UBE2G2: variants seen among roughly 807,000 people sequenced by gnomAD.
UBE2G2 encodes ubiquitin conjugating enzyme E2 G2, also known as ubiquitin-conjugating enzyme E2 G2.
In UBE2G2, 10 loss-of-function variants were observed where a neutral mutation model predicts 23.0. That is an observed-to-expected ratio of 0.43 (90% CI 0.27 to 0.74). The LOEUF (loss-of-function observed/expected upper bound fraction) is 0.74, where lower values mean the gene tolerates loss of function less well. UBE2G2 is among the 30% of genes least tolerant of loss of function. UBE2G2 has a pLI of 0.19. For synonymous variants in UBE2G2, 86 were observed against 81.3 expected (o/e 1.06, Z -0.31); for missense variants, 150 against 218.3 (o/e 0.69, Z 1.97).
At position 44,769,979 on chromosome 21, in the gene UBE2G2, G is replaced by A. The variant is rs1021068624; in HGVS notation, c.*1398C>T. On this transcript the variant is annotated 3_prime_UTR_variant, in exon 6 of 6. Transcript: ENST00000345496. ...GTTATTGCTTACACTGTGGCCTCCT[G>A]GCCTGTGCTGCTCAGCTGGCCCTGT... 16 of 152,202 alleles carry A rather than the reference G, an allele frequency of 1.1e-4. No individual in the cohort carries two copies. The highest frequency in any genetic ancestry group is 2.2e-4 in the Non-Finnish European group (15 of 68,036). The allele number at this position is 152,202 out of a possible 1,614,324, so 9.4% of individuals were successfully genotyped here.
intron 1 of UBE2G2, among the ~76,000 whole-genome samples, chr21:44,796,516 C>A (rs1192493114): frequency 6.6e-6 from 1 of 151,766 alleles, no homozygotes; most frequent in African/African-American, 2.4e-5. Context: ...AAGATACACA[C>A]ACAAAAAAAA....
intron 4 of UBE2G2, chr21:44,774,697 G>A (rs1555960354): frequency 4.4e-6 from 2 of 456,252 alleles, no homozygotes; most frequent in African/African-American, 4.0e-5. Flanking sequence ...CAAGGAGAGT[G>A]GAAGAAACTA....
At chr21:44,774,214 A>G (rs1449396756) in intron 4 of UBE2G2, 1 of 153,522 alleles carries the variant, frequency 6.5e-6, no homozygotes, top group Non-Finnish European at 1.4e-5. Context: ...TCTAATAATA[A>G]GTAAATTATC....
In UBE2G2 at chr21:44,771,641, C is replaced by A; in HGVS notation, c.386-152G>T. ...TGAGAACTGCATGGGGTCGGCCCCA[C>A]CTCTAGAGTGCTGGCCACGCAGGTC... On this transcript the variant is annotated intron_variant, in intron 5 of 5. Transcript: ENST00000345496. This position sits in a 1 kb window ranked among gnomAD's most constrained non-coding sequence, Gnocchi z 4.6. 2.6e-6 allele frequency: 2 copies of A among 767,928 alleles called. No homozygotes were observed. Among genetic ancestry groups the A allele is most frequent in the East Asian group, 5.2e-5 (2 of 38,316 alleles). 47.6% of individuals were successfully genotyped at this position (767,928 alleles called of 1,614,324 possible). A position where few individuals can be genotyped will look rare whatever the true frequency, so the allele number is the denominator to read the frequency against.
intron 1 of UBE2G2, chr21:44,801,219 A>T: frequency 1.6e-6 from 1 of 632,198 alleles, no homozygotes; most frequent in Non-Finnish European, 2.0e-6. Context: ...ACTACCTAGG[A>T]GGAGTGACAG....
chr21:44,799,438 A>G (rs1261756168), intron 1 of UBE2G2, among the ~76,000 whole-genome samples: 1 of 152,316 alleles, frequency 6.6e-6, no homozygotes, highest in Non-Finnish European at 1.5e-5. Flanking sequence ...TCTTGATCTT[A>G]GCTAGATCTT....
At position 44,781,654 on chromosome 21, in the gene UBE2G2, C is replaced by T. The variant is rs550687101; in HGVS notation, c.126-4237G>A. Among the ~76,000 whole-genome samples, 4 of 152,292 alleles carry T rather than the reference C, an allele frequency of 2.6e-5. No homozygotes were observed. In the South Asian group the frequency reaches 8.3e-4, roughly 32 times the overall value. On this transcript the variant is annotated intron_variant, in intron 3 of 5. Transcript: ENST00000345496. ...CTTTCCTCCAGCACTTGGTCTCCACCAGGATGACATATTTGACCCTCACCC... is the reference window on the plus strand; with the variant it reads ...CTTTCCTCCAGCACTTGGTCTCCACTAGGATGACATATTTGACCCTCACCC...
intron 3 of UBE2G2, among the ~76,000 whole-genome samples, chr21:44,780,274 T>C (rs1229000455): frequency 7.9e-5 from 12 of 152,234 alleles, no homozygotes; most frequent in Non-Finnish European, 1.6e-4. Context: ...AGATGGGCAG[T>C]GGTGTGCAGC....
At chr21:44,800,174 TGCTTGTAAAAAACTTGTAA>T (rs1171060896) in intron 1 of UBE2G2, 2 of 152,190 alleles carry the variant, frequency 1.3e-5, no homozygotes, top group African/African-American at 4.8e-5. Context: ...CATGCAGGGT[TGCTTGTAAAAAACTTGTAA>T]ACTTGTAAAA....
rs1356776244 is a variant in UBE2G2 at position 44,771,142 on chromosome 21, C to G, written c.*235G>C. 5 of 507,816 alleles carry G rather than the reference C, an allele frequency of 9.8e-6. No individual in the cohort carries two copies. Among genetic ancestry groups the G allele is most frequent in the Non-Finnish European group, 1.8e-5 (5 of 285,116 alleles). 31.5% of individuals were successfully genotyped at this position (507,816 alleles called of 1,614,324 possible). On this transcript the variant is annotated 3_prime_UTR_variant, in exon 6 of 6. Transcript: ENST00000345496. This position sits in a 1 kb window ranked among gnomAD's most constrained non-coding sequence, Gnocchi z 4.6. ...GACAGCTCTGATAATCTACCTGAAG[C>G]CCTTTGTGAGGAATACTGTAAAACT...
At chr21:44,795,429 C>T (rs1474972822) in intron 1 of UBE2G2, among the ~76,000 whole-genome samples, 1 of 151,946 alleles carries the variant, frequency 6.6e-6, no homozygotes, top group Non-Finnish European at 1.5e-5. Context: ...CCCACGAGTT[C>T]GAGACAAGCC....
At chr21:44,798,271 T>C (rs2083109545) in intron 1 of UBE2G2, among the ~76,000 whole-genome samples, 1 of 152,270 alleles carries the variant, frequency 6.6e-6, no homozygotes, top group Non-Finnish European at 1.5e-5. Flanking sequence ...GCCGGTGCAG[T>C]CTTGCCCGGA....
In UBE2G2 at chr21:44,801,813, C is replaced by A; in HGVS notation, c.-65G>T. 1 of 1,484,520 alleles carries A rather than the reference C, an allele frequency of 6.7e-7. No individual in the cohort carries two copies. Among genetic ancestry groups the A allele is most frequent in the African/African-American group, 1.5e-5 (1 of 68,130 alleles). 92.0% of individuals were successfully genotyped at this position (1,484,520 alleles called of 1,614,324 possible). On this transcript the variant is annotated 5_prime_UTR_variant, in exon 1 of 6. Transcript: ENST00000345496. Reference sequence around the variant, plus strand: ...GCGCGCGTGCCTCCTGCCCCGACACCGGGGACTGCTTCCGGGCCACCGTCG... The same window carrying A: ...GCGCGCGTGCCTCCTGCCCCGACACAGGGGACTGCTTCCGGGCCACCGTCG...
chr21:44,790,383 T>C (rs1435566931), intron 1 of UBE2G2, among the ~76,000 whole-genome samples: 4 of 152,224 alleles, frequency 2.6e-5, no homozygotes, highest in Non-Finnish European at 5.9e-5. Context: ...TGAATGTTCA[T>C]AGTAGCTAAA....
intron 1 of UBE2G2, among the ~76,000 whole-genome samples, chr21:44,792,415 G>A (rs891618732): frequency 6.6e-6 from 1 of 152,150 alleles, no homozygotes; most frequent in Non-Finnish European, 1.5e-5. Context: ...GATCATGGGG[G>A]CAGTTTCCCT....
chr21:44,782,424 G>A (rs782299299), intron 3 of UBE2G2, among the ~76,000 whole-genome samples: 1 of 152,182 alleles, frequency 6.6e-6, no homozygotes, highest in South Asian at 2.1e-4. Context: ...AATCCCACCA[G>A]GCATTTTGTA....
chr21:44,776,335 A>T (rs919314017), intron 4 of UBE2G2, among the ~76,000 whole-genome samples: 1 of 152,130 alleles, frequency 6.6e-6, no homozygotes. Context: ...GATTTACAAA[A>T]AGGAAAAAAA....
intron 4 of UBE2G2, chr21:44,774,742 CT>C: frequency 2.2e-6 from 1 of 455,928 alleles, no homozygotes; most frequent in South Asian, 1.6e-5. Context: ...GGCTGTCCAC[CT>C]AAGATCCACA....
rs911253127 is a variant in UBE2G2, at chr21:44,786,453, T to C, written c.125+1467A>G. Among the ~76,000 whole-genome samples the C allele has an allele frequency of 6.6e-5, 10 of 152,026 alleles. No individual in the cohort carries two copies. The East Asian group carries it at 1.9e-3, about 29-fold the overall frequency. On this transcript the variant is annotated intron_variant, in intron 3 of 5. Transcript: ENST00000345496. ...GCCCAAGCAATTAGGATATTACAAATGATCAGGAAATGGCAGGCGTGCTGT... is the reference window on the plus strand; with the variant it reads ...GCCCAAGCAATTAGGATATTACAAACGATCAGGAAATGGCAGGCGTGCTGT...
Sources: gnomAD v4.1 joint callset for allele counts (sites outside exome capture counted in the v4.1 genomes callset) on GRCh38, gnomAD v4.1.1 for gene constraint, Gnocchi (gnomAD v3.1) non-coding constraint, MANE v1.5 for transcripts, NCBI Gene and HGNC (gene_info 2026-07-23, HGNC 2026-07-21) for gene names.